The following TPTE variants were observed in gnomAD, a reference collection of about 807,000 sequenced individuals.
TPTE encodes transmembrane phosphatase with tensin homology, also known as putative tyrosine-protein phosphatase TPTE.
TPTE carries 59 observed loss-of-function variants against 84.1 expected under a neutral mutation model. That is an observed-to-expected ratio of 0.70 (90% CI 0.57 to 0.87). The LOEUF (loss-of-function observed/expected upper bound fraction) is 0.87, where lower values mean the gene tolerates loss of function less well. Ranked by LOEUF, TPTE falls within the 40% of genes least tolerant of loss-of-function variation. The pLI is 0.00. For missense variants in TPTE, 382 were observed against 659.6 expected (o/e 0.58, Z 4.61); for synonymous variants, 130 against 223.5 (o/e 0.58, Z 3.73).
At chr21:10,568,208 C>T (rs2074966613) in intron 11 of TPTE, among the ~76,000 whole-genome samples, 1 of 152,212 alleles carries the variant, frequency 6.6e-6, no homozygotes, top group African/African-American at 2.4e-5. Flanking sequence ...CCCCTCTGTG[C>T]TTCAACTACA....
chr21:10,582,287 C>T (rs1447021654), intron 17 of TPTE, among the ~76,000 whole-genome samples: 1 of 152,302 alleles, frequency 6.6e-6, no homozygotes, highest in Non-Finnish European at 1.5e-5. Flanking sequence ...GTTTTGTTCT[C>T]CATTAATTTG....
At chr21:10,547,082 T>G (rs1311622911) in intron 7 of TPTE, among the ~76,000 whole-genome samples, 1 of 152,310 alleles carries the variant, frequency 6.6e-6, no homozygotes, top group Non-Finnish European at 1.5e-5. Context: ...AGGCCAATTC[T>G]CTTGTTAGGG....
At chr21:10,545,371 T>C (rs1443587246) in intron 7 of TPTE, among the ~76,000 whole-genome samples, 1 of 152,306 alleles carries the variant, frequency 6.6e-6, no homozygotes, top group Admixed American at 6.5e-5. Context: ...TAATAGTAGA[T>C]TCCAAATCAT....
chr21:10,543,334 A>G lies in TPTE; in HGVS notation c.125A>G (p.His42Arg), dbSNP rs573430979. Residue 42 changes from histidine to arginine, a missense_variant, in exon 7 of 24, where the codon CAC becomes CGC. Transcript: ENST00000618007. ...TEEAPAKESPHTSEFKGAARV... is the reference protein window; with the variant it reads ...TEEAPAKESPRTSEFKGAARV... ...ATTCTTTTATCATCCTCTAGCCCAC[A>G]CACAAGTGAATTTAAAGGAGCAGCC... 2 of 1,613,884 alleles carry G rather than the reference A, an allele frequency of 1.2e-6. No homozygotes were observed. Among genetic ancestry groups the G allele is most frequent in the East Asian group, 4.5e-5 (2 of 44,896 alleles).
chr21:10,605,703 A>G lies in TPTE; in HGVS notation c.*151A>G, dbSNP rs988296571. On this transcript the variant is annotated 3_prime_UTR_variant, in exon 24 of 24. Transcript: ENST00000618007. The stretch of plus-strand genomic sequence containing the variant: ...TATGTTCTTCATAAATCTATTACAT[A>G]TATATAGATAAAATGTCAGTGTCTT... The G allele has an allele frequency of 1.5e-6, 2 of 1,335,882 alleles. No individual in the cohort carries two copies. The highest frequency in any genetic ancestry group is 3.0e-5 in the African/African-American group (2 of 66,910). 82.8% of individuals were successfully genotyped at this position (1,335,882 alleles called of 1,614,324 possible). A position where few individuals can be genotyped will look rare whatever the true frequency, so the allele number is the denominator to read the frequency against.
At chr21:10,591,861 T>C (rs1335715467) in intron 18 of TPTE, among the ~76,000 whole-genome samples, 1 of 152,312 alleles carries the variant, frequency 6.6e-6, no homozygotes. Flanking sequence ...TTCGGTAGCC[T>C]CTGCCCAAAG....
At chr21:10,549,124 C>T (rs1453541508) in intron 7 of TPTE, among the ~76,000 whole-genome samples, 5 of 152,312 alleles carry the variant, frequency 3.3e-5, no homozygotes, top group African/African-American at 4.8e-5. Context: ...GTGTGGATCA[C>T]AGCTGAATAA....
At chr21:10,545,167 T>G (rs1384926272) in intron 7 of TPTE, among the ~76,000 whole-genome samples, 7 of 152,302 alleles carry the variant, frequency 4.6e-5, no homozygotes, top group Non-Finnish European at 8.8e-5. Flanking sequence ...TAATGTGTGG[T>G]AGAGTCATCA....
chr21:10,533,543 AT>A, intron 3 of TPTE, among the ~76,000 whole-genome samples: 1 of 152,302 alleles, frequency 6.6e-6, no homozygotes, highest in Non-Finnish European at 1.5e-5. Context: ...GGTCATTTGT[AT>A]TGGGGAAGGA....
At chr21:10,563,155 A>T (rs1216762790) in intron 10 of TPTE, among the ~76,000 whole-genome samples, 1 of 152,312 alleles carries the variant, frequency 6.6e-6, no homozygotes, top group African/African-American at 2.4e-5. Flanking sequence ...CAGTGTATCC[A>T]GTGAAAGTAT....
At chr21:10,587,550 CT>C (rs61197958) in intron 17 of TPTE, among the ~76,000 whole-genome samples, 1,263 of 142,442 alleles carry the variant, frequency 8.9e-3, no homozygotes, top group African/African-American at 0.022. Context: ...GAAATGATTT[CT>C]TTTTTTTTTT....
rs1206953034 is a variant in TPTE at position 10,602,282 on chromosome 21, AT to A, written c.1449+139del. 55 of 1,175,148 alleles carry A rather than the reference AT, an allele frequency of 4.7e-5. No individual in the cohort carries two copies. In the African/African-American group the frequency reaches 5.7e-4, roughly 12 times the overall value. 72.8% of individuals were successfully genotyped at this position (1,175,148 alleles called of 1,614,324 possible). A position where few individuals can be genotyped will look rare whatever the true frequency, so the allele number is the denominator to read the frequency against. ...AAACAATAAATCAGATCTATAACAAATTTTTTTAAAAGAGCGTATGTAATTT... is the reference window on the plus strand; with the variant it reads ...AAACAATAAATCAGATCTATAACAAATTTTTTAAAAGAGCGTATGTAATTT... On this transcript the variant is annotated intron_variant, in intron 22 of 23. Transcript: ENST00000618007.
chr21:10,552,934 A>G (rs2074606749), intron 8 of TPTE, among the ~76,000 whole-genome samples: 1 of 152,310 alleles, frequency 6.6e-6, no homozygotes, highest in Non-Finnish European at 1.5e-5. Flanking sequence ...ATGTTCTTCT[A>G]GCTTGAAAAT....
chr21:10,573,869 A>G (rs1305498652), intron 14 of TPTE, among the ~76,000 whole-genome samples: 14 of 152,290 alleles, frequency 9.2e-5, no homozygotes, highest in Non-Finnish European at 1.9e-4. Context: ...AGGAGCGGCA[A>G]CAAAACAATG....
chr21:10,543,943 T>G (rs2074419451), intron 7 of TPTE, among the ~76,000 whole-genome samples: 1 of 152,306 alleles, frequency 6.6e-6, no homozygotes, highest in Admixed American at 6.5e-5. Context: ...CATGTGAGGT[T>G]GGTGCCTAGA....
At chr21:10,543,909 C>T (rs2074418421) in intron 7 of TPTE, among the ~76,000 whole-genome samples, 1 of 152,428 alleles carries the variant, frequency 6.6e-6, no homozygotes, top group East Asian at 1.9e-4. Context: ...TGGACTTGTC[C>T]CACACACTCG....
chr21:10,541,643 C>T (rs1292699288), intron 5 of TPTE, among the ~76,000 whole-genome samples: 5 of 152,422 alleles, frequency 3.3e-5, no homozygotes, highest in Non-Finnish European at 7.3e-5. Flanking sequence ...CACATTTTTA[C>T]ATTGTTTAGA....
intron 1 of TPTE, among the ~76,000 whole-genome samples, chr21:10,524,209 C>T (rs1429367282): frequency 3.9e-5 from 6 of 152,304 alleles, no homozygotes; most frequent in African/African-American, 1.4e-4. Context: ...TCTCTGTTGG[C>T]TGTTATCCTC....
At chr21:10,551,590 GAAAT>G (rs1234280343) in intron 7 of TPTE, among the ~76,000 whole-genome samples, 1 of 152,256 alleles carries the variant, frequency 6.6e-6, no homozygotes, top group Non-Finnish European at 1.5e-5. Flanking sequence ...AGACCAAACA[GAAAT>G]AAACACATTT....
Sources: allele counts gnomAD v4.1 joint callset (sites outside exome capture counted in the v4.1 genomes callset), GRCh38; gene constraint gnomAD v4.1.1; transcripts MANE v1.5; gene names NCBI Gene and HGNC (gene_info 2026-07-23, HGNC 2026-07-21).